WDR3: variants seen among roughly 807,000 people sequenced by gnomAD.
WDR3 encodes WD repeat-containing protein 3.
WDR3 carries 81 observed loss-of-function variants against 123.7 expected under a neutral mutation model. The ratio of observed to expected loss-of-function variants is 0.65; its 90% confidence interval spans 0.55 to 0.79. WDR3 has a LOEUF of 0.79. Among genes scored for constraint, WDR3 ranks in the 30% least tolerant of loss-of-function variants. WDR3 has a pLI of 0.00. For synonymous variants in WDR3, 390 were observed against 388.8 expected (o/e 1.00, Z -0.04); for missense variants, 1,027 against 1,123.2 (o/e 0.91, Z 1.22).
In WDR3 at chr1:117,965,563, C is replaced by T. The variant is rs574644115; in HGVS notation, c.*6116C>T. The T allele has an allele frequency of 3.3e-5, 5 of 152,336 alleles. No homozygotes were observed. Among genetic ancestry groups the T allele is most frequent in the African/African-American group, 1.2e-4 (5 of 41,568 alleles). The allele number at this position is 152,336 out of a possible 1,614,324, so 9.4% of individuals were successfully genotyped here. ...AGATTTTGCAGTTTCCTTCCCCCACCATGTCTTTCATTCATGTCCCTCTTT... is the reference window on the plus strand; with the variant it reads ...AGATTTTGCAGTTTCCTTCCCCCACTATGTCTTTCATTCATGTCCCTCTTT... On this transcript the variant is annotated 3_prime_UTR_variant, in exon 27 of 27. Coordinates refer to ENST00000349139, the MANE Select transcript of WDR3 (RefSeq NM_006784.3).
intron 11 of WDR3, 151 bp downstream of exon 11, chr1:117,943,777 G>T: frequency 1.8e-6 from 1 of 558,028 alleles, no homozygotes; most frequent in Non-Finnish European, 2.8e-6. Flanking sequence ...GCTTAGAGAA[G>T]AAAAAGTTGC....
intron 16 of WDR3, 137 bp downstream of exon 16, chr1:117,951,027 T>G: frequency 1.6e-6 from 1 of 624,376 alleles, no homozygotes; most frequent in Non-Finnish European, 2.6e-6. Flanking sequence ...CCAAAAACAG[T>G]CTCAAATTAA....
chr1:117,934,157 A>T (rs1650833947), intron 2 of WDR3, among the ~76,000 whole-genome samples: 1 of 152,226 alleles, frequency 6.6e-6, no homozygotes, highest in African/African-American at 2.4e-5. Context: ...AAAATCACGT[A>T]GTGTTGTTCT....
chr1:117,940,988 A>G, intron 7 of WDR3, 48 bp downstream of exon 7: 4 of 1,586,846 alleles, frequency 2.5e-6, no homozygotes, highest in Non-Finnish European at 3.4e-6. Context: ...ATAATGGGAA[A>G]GTAAGAATTG....
chr1:117,950,615 TC>T (rs2101218737), intron 15 of WDR3, among the ~76,000 whole-genome samples: 1 of 152,256 alleles, frequency 6.6e-6, no homozygotes, highest in East Asian at 1.9e-4. Flanking sequence ...TCTGGGGGCT[TC>T]CTTGCCTCCA....
Position 117,964,283 on chromosome 1 carries a change from A to G in WDR3, c.*4836A>G, listed in dbSNP as rs1653519699. 1 of 164,758 alleles carries G rather than the reference A, an allele frequency of 6.1e-6. No homozygotes were observed. The highest frequency in any genetic ancestry group is 1.6e-4 in the East Asian group (1 of 6,352). 10.2% of individuals were successfully genotyped at this position (164,758 alleles called of 1,614,324 possible). A position where few individuals can be genotyped will look rare whatever the true frequency, so the allele number is the denominator to read the frequency against. On this transcript the variant is annotated 3_prime_UTR_variant, in exon 27 of 27. Transcript: ENST00000349139. The stretch of plus-strand genomic sequence containing the variant: ...GGGAGAGGGACAGATCATTGTTGAC[A>G]CTGTAAGTAAGTAGATAAAAGATCT...
In WDR3 at chr1:117,937,807, G is replaced by A. The variant is rs563089750; in HGVS notation, c.501-673G>A. Among the ~76,000 whole-genome samples, 6 of 152,208 alleles carry A rather than the reference G, an allele frequency of 3.9e-5. No individual in the cohort carries two copies. The South Asian group carries it at 6.2e-4, about 16-fold the overall frequency. On this transcript the variant is annotated intron_variant, in intron 4 of 26. Transcript: ENST00000349139. ...AGGAGTAGTAGAGGCCATTGGCTGCGAGAGGTTATATTTAGGGGGTTAAGA... is the reference window on the plus strand; with the variant it reads ...AGGAGTAGTAGAGGCCATTGGCTGCAAGAGGTTATATTTAGGGGGTTAAGA...
intron 3 of WDR3, among the ~76,000 whole-genome samples, chr1:117,935,282 AATAG>A (rs1332767349): frequency 6.6e-6 from 1 of 152,180 alleles, no homozygotes; most frequent in African/African-American, 2.4e-5. Flanking sequence ...GATATATTTA[AATAG>A]ATATCTTAAA....
chr1:117,950,224 C>T, intron 15 of WDR3, 94 bp downstream of exon 15: 1 of 1,415,402 alleles, frequency 7.1e-7, no homozygotes, highest in Non-Finnish European at 9.6e-7. Flanking sequence ...TTGACTGTGC[C>T]CAGCGATAGT....
intron 5 of WDR3, 66 bp downstream of exon 5, chr1:117,938,624 T>C (rs1651026950): frequency 7.1e-7 from 1 of 1,404,586 alleles, no homozygotes; most frequent in Non-Finnish European, 9.9e-7. Flanking sequence ...GGTGGTCTTC[T>C]CTTCCCCTTT....
chr1:117,966,321 G>T lies in WDR3; in HGVS notation c.*6874G>T. ...TTCCATAAAATTATAATTTTTTTGT[G>T]ATAGATACTTGCTGTTTTATTATTC... On this transcript the variant is annotated 3_prime_UTR_variant, in exon 27 of 27. Transcript: ENST00000349139. 4.2e-6 allele frequency: 1 copy of T among 239,478 alleles called. No homozygotes were observed. The allele number at this position is 239,478 out of a possible 1,614,324, so 14.8% of individuals were successfully genotyped here.
rs1477647207 is a variant in WDR3 at position 117,952,033 on chromosome 1, G to A, written c.1861G>A (p.Asp621Asn). ...TAGGAATGTGAAAATCTGGGGTTTG[G>A]ACTTTGGGGACTGCCACAAGTCTCT... Reference protein sequence around the residue: ...ADRNVKIWGLDFGDCHKSLFA... With the variant: ...ADRNVKIWGLNFGDCHKSLFA... Residue 621 changes from aspartate (D) to asparagine (N), a missense_variant, in exon 17 of 27, where the codon GAC (aspartate) becomes AAC (asparagine). Physicochemically the swap from Asp to Asn is conservative, Grantham distance 23 (BLOSUM62 1). Coordinates refer to ENST00000349139, the MANE Select transcript of WDR3 (RefSeq NM_006784.3). The A allele has an allele frequency of 8.1e-6, 13 of 1,613,340 alleles. No homozygotes were observed. In the Admixed American group the frequency reaches 2.0e-4, roughly 25 times the overall value.
chr1:117,943,536 G>C lies in WDR3; in HGVS notation c.1238G>C (p.Gly413Ala), dbSNP rs1651257746. The C allele has an allele frequency of 6.2e-7, 1 of 1,613,984 alleles. No individual in the cohort carries two copies. Among genetic ancestry groups the C allele is most frequent in the African/African-American group, 1.3e-5 (1 of 74,892 alleles). Reference protein sequence around the residue: ...PVRTSRITIGGHRSDVRTLSF... With the variant: ...PVRTSRITIGAHRSDVRTLSF... The stretch of plus-strand genomic sequence containing the variant: ...AGGACAAGCAGAATCACTATTGGGG[G>C]TCATCGCAGTGATGTGCGGACTTTG... Residue 413 changes from glycine (G) to alanine (A), a missense_variant, in exon 11 of 27, where the codon GGT (glycine) becomes GCT (alanine). Coordinates refer to ENST00000349139, the MANE Select transcript of WDR3 (RefSeq NM_006784.3).
chr1:117,942,684 C>T, intron 10 of WDR3, 140 bp downstream of exon 10: 1 of 714,678 alleles, frequency 1.4e-6, no homozygotes, highest in Non-Finnish European at 2.3e-6. Context: ...TCACACTCTG[C>T]TCCTGTTGTC....
intron 16 of WDR3, among the ~76,000 whole-genome samples, chr1:117,951,111 TATAA>T (rs1313202877): frequency 2.6e-5 from 4 of 152,068 alleles, no homozygotes; most frequent in Non-Finnish European, 5.9e-5. Context: ...AATCAATCCT[TATAA>T]ATATTATCTC....
chr1:117,944,632 C>G (rs1651302794), intron 11 of WDR3, among the ~76,000 whole-genome samples: 1 of 152,188 alleles, frequency 6.6e-6, no homozygotes, highest in South Asian at 2.1e-4. Flanking sequence ...CTTCAGACTT[C>G]CCTATCTTAA....
Position 117,964,000 on chromosome 1 carries a change from A to G in WDR3, c.*4553A>G. 2 of 1,530,266 alleles carry G rather than the reference A, an allele frequency of 1.3e-6. No homozygotes were observed. The highest frequency in any genetic ancestry group is 2.0e-5 in the Admixed American group (1 of 50,616). 94.8% of individuals were successfully genotyped at this position (1,530,266 alleles called of 1,614,324 possible). On this transcript the variant is annotated 3_prime_UTR_variant, in exon 27 of 27. Coordinates refer to ENST00000349139, the MANE Select transcript of WDR3 (RefSeq NM_006784.3). ...AAATTATTTGCATATATAAACCTAA[A>G]TAACATTTTAGAATCATAGAATTTC... is the stretch of plus-strand genomic sequence containing the variant.
At chr1:117,933,107 G>A (rs112502572) in intron 1 of WDR3, among the ~76,000 whole-genome samples, 181 bp from the exon 2 acceptor site, 13 of 152,132 alleles carry the variant, frequency 8.5e-5, no homozygotes, top group African/African-American at 3.1e-4. Flanking sequence ...GGGAGGCTGA[G>A]GCAGGAGAAT....
intron 25 of WDR3, among the ~76,000 whole-genome samples, chr1:117,957,753 C>T (rs972289622): frequency 4.6e-5 from 7 of 152,144 alleles, no homozygotes; most frequent in African/African-American, 1.4e-4. Flanking sequence ...TGGCCCGAGA[C>T]GGTTCTTCCA....
Sources: gnomAD v4.1 joint callset for allele counts (sites outside exome capture counted in the v4.1 genomes callset) on GRCh38, gnomAD v4.1.1 for gene constraint, MANE v1.5 for transcripts, NCBI Gene and HGNC (gene_info 2026-07-23, HGNC 2026-07-21) for gene names.